Variants in PTPRR observed in about 807,000 individuals in gnomAD.
PTPRR encodes the protein protein tyrosine phosphatase receptor type R.
PTPRR carries 38 observed loss-of-function variants against 77.2 expected under a neutral mutation model. The ratio of observed to expected loss-of-function variants is 0.49; its 90% confidence interval spans 0.38 to 0.65. PTPRR has a LOEUF of 0.65. Ranked by LOEUF, PTPRR falls within the 30% of genes least tolerant of loss-of-function variation. The pLI, the probability that PTPRR is intolerant of heterozygous loss-of-function variation, is 0.00. For missense variants in PTPRR, 744 were observed against 799.2 expected, an observed-to-expected ratio of 0.93 and a Z score of 0.83; for synonymous variants, 299 against 283.1, an observed-to-expected ratio of 1.06 and a Z score of -0.57.
chr12:70,817,483 T>C (rs557554774), intron 2 of PTPRR, among the ~76,000 whole-genome samples: 8 of 152,344 alleles, frequency 5.3e-5, no homozygotes, highest in African/African-American at 1.7e-4. Context: ...CCATAATATC[T>C]GTAACACATT....
chr12:70,747,245 T>C (rs1482053962), intron 5 of PTPRR, among the ~76,000 whole-genome samples: 2 of 152,202 alleles, frequency 1.3e-5, no homozygotes, highest in African/African-American at 4.8e-5. Context: ...ATCAATCAGA[T>C]GATACATATA....
chr12:70,826,117 A>C (rs1009809419), intron 2 of PTPRR, among the ~76,000 whole-genome samples: 12 of 152,186 alleles, frequency 7.9e-5, no homozygotes, highest in African/African-American at 2.7e-4. Flanking sequence ...AGAGAGGGAA[A>C]GAAGAAGGGA....
intron 2 of PTPRR, among the ~76,000 whole-genome samples, chr12:70,786,224 G>A (rs989214236): frequency 6.6e-6 from 1 of 152,142 alleles, no homozygotes. Context: ...GAGCTTTTCT[G>A]AAAGGACAGA....
intron 2 of PTPRR, among the ~76,000 whole-genome samples, chr12:70,849,946 A>G (rs1892545160): frequency 6.6e-6 from 1 of 152,240 alleles, no homozygotes; most frequent in Non-Finnish European, 1.5e-5. Context: ...TGCCTAAACT[A>G]TAAATGCAAT....
intron 6 of PTPRR, among the ~76,000 whole-genome samples, chr12:70,742,235 T>C (rs2136917952): frequency 6.6e-6 from 1 of 152,322 alleles, no homozygotes; most frequent in Admixed American, 6.5e-5. Flanking sequence ...GTAGGTTAGA[T>C]GAATCAGAAA....
intron 2 of PTPRR, among the ~76,000 whole-genome samples, chr12:70,879,378 T>C (rs1488643659): frequency 1.3e-5 from 2 of 151,022 alleles, no homozygotes; most frequent in Non-Finnish European, 2.9e-5. Context: ...AGAATAGAAA[T>C]TTACAGATCC....
At position 70,786,355 on chromosome 12, in the gene PTPRR, T is replaced by C. The variant is rs545004877; in HGVS notation, c.358-21577A>G. 5.3e-4 allele frequency among the ~76,000 whole-genome samples: 81 copies of C among 152,304 alleles called. No homozygotes were observed. In the South Asian group the frequency reaches 0.014, roughly 26 times the overall value. On this transcript the variant is annotated intron_variant, in intron 2 of 13. Transcript: ENST00000283228. ...ATAATCCTTCAGCCCCCAACGACTT[T>C]GCATTCTAGTCATAAACTGATACTT...
chr12:70,668,132 C>T (rs1887077724), intron 10 of PTPRR, among the ~76,000 whole-genome samples: 1 of 152,288 alleles, frequency 6.6e-6, no homozygotes, highest in South Asian at 2.1e-4. Flanking sequence ...GATGCAATCA[C>T]TTCTTGCACT....
intron 6 of PTPRR, among the ~76,000 whole-genome samples, chr12:70,705,956 C>T (rs1238998062): frequency 6.6e-6 from 1 of 151,932 alleles, no homozygotes; most frequent in Non-Finnish European, 1.5e-5. Flanking sequence ...ACCCTCTCAC[C>T]CACAACTTAT....
rs77502563 is a variant in PTPRR, at chr12:70,804,793, G to A, written c.358-40015C>T. On this transcript the variant is annotated intron_variant, in intron 2 of 13. Transcript: ENST00000283228. ...CAGACTGTTGACAGCCTTGATGAAC[G>A]TGCGAACATATTGTAAACCACGGGT... Among the ~76,000 whole-genome samples, 610 of 152,232 alleles carry A rather than the reference G, an allele frequency of 4.0e-3. 5 individuals are homozygous for A. The highest frequency in any genetic ancestry group is 0.014 in the African/African-American group (586 of 41,542).
chr12:70,656,520 C>A (rs1196061731), intron 13 of PTPRR, among the ~76,000 whole-genome samples, 184 bp downstream of exon 13: 2 of 152,096 alleles, frequency 1.3e-5, no homozygotes. Flanking sequence ...CAGAGCAAGA[C>A]CTTGTCTCAA....
At chr12:70,823,108 G>GACACACACACACACACACACACAC (rs58549756) in intron 2 of PTPRR, among the ~76,000 whole-genome samples, 1 of 139,582 alleles carries the variant, frequency 7.2e-6, no homozygotes, top group African/African-American at 2.8e-5. Flanking sequence ...CTCTCTCTCT[G>GACACACACACACACACACACACAC]ACACACACAC....
chr12:70,890,548 A>G (rs1249912374), intron 2 of PTPRR, among the ~76,000 whole-genome samples: 2 of 152,078 alleles, frequency 1.3e-5, no homozygotes, highest in Non-Finnish European at 2.9e-5. Flanking sequence ...TGAGCTAGGA[A>G]GTCTTAGAAG....
intron 2 of PTPRR, among the ~76,000 whole-genome samples, chr12:70,868,341 G>GAA (rs1250387236): frequency 1.7e-5 from 2 of 120,782 alleles, no homozygotes; most frequent in African/African-American, 3.4e-5. Context: ...AAATTTACAA[G>GAA]AAAAAAAAAA....
intron 2 of PTPRR, among the ~76,000 whole-genome samples, chr12:70,869,033 G>GT (rs1390521846): frequency 9.3e-6 from 1 of 108,018 alleles, no homozygotes; most frequent in African/African-American, 3.6e-5. Context: ...GGGGACTGTT[G>GT]TGGGGTGGGG....
rs1892375751 is a variant in PTPRR, at chr12:70,840,332, T to C, written c.357+52347A>G. On this transcript the variant is annotated intron_variant, in intron 2 of 13. Transcript: ENST00000283228. ...ACTGCATTATTCTGACGTCCTCTCCTGTCTTTTTCTCCCACTTTTAAGGTC... is the reference window on the plus strand; with the variant it reads ...ACTGCATTATTCTGACGTCCTCTCCCGTCTTTTTCTCCCACTTTTAAGGTC... Among the ~76,000 whole-genome samples the C allele has an allele frequency of 2.6e-5, 4 of 152,182 alleles. No individual in the cohort carries two copies. The South Asian group carries it at 8.3e-4, about 31-fold the overall frequency.
intron 2 of PTPRR, among the ~76,000 whole-genome samples, chr12:70,782,108 G>A (rs1225042549): frequency 6.6e-6 from 1 of 152,170 alleles, no homozygotes; most frequent in Non-Finnish European, 1.5e-5. Flanking sequence ...GTAAGATCTT[G>A]TAGACAAGGA....
intron 2 of PTPRR, among the ~76,000 whole-genome samples, chr12:70,805,929 C>A (rs1220808373): frequency 1.3e-5 from 2 of 152,156 alleles, no homozygotes; most frequent in Non-Finnish European, 2.9e-5. Context: ...TTTCATATAG[C>A]ATGTGTGGGT....
chr12:70,694,645 C>T (rs538679445), intron 8 of PTPRR, among the ~76,000 whole-genome samples: 9 of 151,832 alleles, frequency 5.9e-5, no homozygotes, highest in African/African-American at 1.9e-4. Context: ...GTAACTGGGA[C>T]TCCAAAAAAA....
Sources: gnomAD v4.1 joint callset for allele counts (sites outside exome capture counted in the v4.1 genomes callset) on GRCh38, gnomAD v4.1.1 for gene constraint, MANE v1.5 for transcripts, NCBI Gene and HGNC (gene_info 2026-07-23, HGNC 2026-07-21) for gene names.